OR2L13: variants seen among roughly 807,000 people sequenced by gnomAD.
OR2L13 encodes the protein olfactory receptor 2L13.
OR2L13 carries 14 observed loss-of-function variants against 15.3 expected under a neutral mutation model. The ratio of observed to expected loss-of-function variants is 0.91; its 90% confidence interval spans 0.60 to 1.43. The LOEUF (loss-of-function observed/expected upper bound fraction) is 1.43. Ranked by LOEUF, OR2L13 falls within the 40% of genes most tolerant of loss-of-function variation. The pLI is 0.00. For synonymous variants in OR2L13, 152 were observed against 142.9 expected (o/e 1.06, Z -0.45); for missense variants, 367 against 387.9 (o/e 0.95, Z 0.45).
At chr1:248,092,204 G>A (rs1572738881), upstream of OR2L13, among the ~76,000 whole-genome samples, 1 of 152,110 alleles carries the variant, frequency 6.6e-6, no homozygotes, top group African/African-American at 2.4e-5. Flanking sequence ...TCCAGATATA[G>A]AATGGTATCA....
chr1:247,957,945 G>C, the OR2L13 span, among the ~76,000 whole-genome samples: 2 of 151,956 alleles, frequency 1.3e-5, no homozygotes, highest in Admixed American at 6.6e-5. Context: ...ATTTCCTTCA[G>C]TTCTGCTCTG....
chr1:247,993,134 A>T, the OR2L13 span, among the ~76,000 whole-genome samples: 1 of 151,948 alleles, frequency 6.6e-6, no homozygotes, highest in Non-Finnish European at 1.5e-5. Context: ...GGTGATGCTG[A>T]GTAATTTTTC....
chr1:247,985,563 TA>T, the OR2L13 span, among the ~76,000 whole-genome samples: 1 of 152,214 alleles, frequency 6.6e-6, no homozygotes, highest in Non-Finnish European at 1.5e-5. Context: ...AGTGCCACAA[TA>T]AACATACGTG....
chr1:247,975,213 A>C, the OR2L13 span: 1 of 399,870 alleles, frequency 2.5e-6, no homozygotes, highest in South Asian at 2.1e-5. Context: ...TTGTGCTCAC[A>C]TTTCATATAT....
chr1:248,039,296 G>A, the OR2L13 span: 2 of 1,221,736 alleles, frequency 1.6e-6, no homozygotes, highest in Non-Finnish European at 2.3e-6. Context: ...CATGCCCAGT[G>A]TGTCAAACAG....
the OR2L13 span, chr1:247,937,371 C>T: frequency 6.8e-3 from 1,058 of 155,500 alleles, 7 homozygotes; most frequent in Admixed American, 0.011. Context: ...GCTGGGCACG[C>T]CTTCCAGACC....
the OR2L13 span, among the ~76,000 whole-genome samples, chr1:248,068,198 G>A: frequency 6.6e-6 from 1 of 152,164 alleles, no homozygotes; most frequent in Admixed American, 6.5e-5. Context: ...GCCTCCTCAA[G>A]TGGGTCCCTG....
At chr1:248,060,998 TAGG>T in the OR2L13 span, 1 of 1,613,948 alleles carries the variant, frequency 6.2e-7, no homozygotes, top group Non-Finnish European at 8.5e-7. Context: ...TTCTCGGCAT[TAGG>T]AGGTGCAGAA....
chr1:247,956,372 TA>T, the OR2L13 span, among the ~76,000 whole-genome samples: 9 of 151,568 alleles, frequency 5.9e-5, no homozygotes, highest in African/African-American at 2.2e-4. Flanking sequence ...TGAAGTCAGG[TA>T]GCGTGATGCC....
At chr1:248,001,305 C>T in the OR2L13 span, among the ~76,000 whole-genome samples, 11 of 151,674 alleles carry the variant, frequency 7.3e-5, no homozygotes, top group African/African-American at 2.2e-4. Context: ...TGAAAGTTCA[C>T]GCCTCCCTCC....
chr1:248,094,757 C>T (rs1408171014), upstream of OR2L13, among the ~76,000 whole-genome samples: 1 of 152,126 alleles, frequency 6.6e-6, no homozygotes. Context: ...TCAATCATTC[C>T]CCCTGGAAAC....
chr1:247,971,303 C>T, the OR2L13 span, among the ~76,000 whole-genome samples: 6 of 152,076 alleles, frequency 3.9e-5, no homozygotes, highest in African/African-American at 1.2e-4. Context: ...CACCAGCCAT[C>T]GAGATCCAGG....
chr1:248,060,988 T>G, the OR2L13 span: 2 of 1,614,100 alleles, frequency 1.2e-6, no homozygotes, highest in Non-Finnish European at 1.7e-6. Flanking sequence ...GAGTTTCTTC[T>G]TCTCGGCATT....
At chr1:248,092,125 T>C (rs1572738817), upstream of OR2L13, among the ~76,000 whole-genome samples, 1 of 152,190 alleles carries the variant, frequency 6.6e-6, no homozygotes. Context: ...TACATTGATT[T>C]TGTATGCTGA....
At chr1:248,093,872 A>T (rs1439683046), upstream of OR2L13, among the ~76,000 whole-genome samples, 1 of 152,192 alleles carries the variant, frequency 6.6e-6, no homozygotes, top group Non-Finnish European at 1.5e-5. Context: ...AGCTAAAATT[A>T]AAAAATAATA....
the OR2L13 span, among the ~76,000 whole-genome samples, chr1:247,953,172 G>T: frequency 1.3e-5 from 2 of 152,108 alleles, no homozygotes; most frequent in Non-Finnish European, 1.5e-5. Context: ...TTGAAAGTTG[G>T]ACGATAATTC....
At chr1:248,077,910 C>T in the OR2L13 span, among the ~76,000 whole-genome samples, 4 of 152,108 alleles carry the variant, frequency 2.6e-5, no homozygotes, top group South Asian at 8.3e-4. Context: ...ACAAATGTGA[C>T]AAAGGCCTAT....
chr1:247,975,696 C>T, the OR2L13 span: 2 of 805,446 alleles, frequency 2.5e-6, no homozygotes, highest in Non-Finnish European at 4.1e-6. Flanking sequence ...GCACTAGCCT[C>T]ACATCAACTT....
chr1:247,946,215 C>T, the OR2L13 span, among the ~76,000 whole-genome samples: 2 of 152,054 alleles, frequency 1.3e-5, no homozygotes, highest in African/African-American at 4.8e-5. Context: ...CTATAATTTT[C>T]CTGATTTTGT....
Sources: gnomAD v4.1 joint callset for allele counts (sites outside exome capture counted in the v4.1 genomes callset) on GRCh38, gnomAD v4.1.1 for gene constraint, MANE v1.5 for transcripts, NCBI Gene and HGNC (gene_info 2026-07-23, HGNC 2026-07-21) for gene names.